Variants in FOXN2 observed in about 807,000 individuals in gnomAD.
The protein encoded by FOXN2 is forkhead box N2, also known as forkhead box protein N2.
Under a neutral mutation model 41.2 loss-of-function variants are expected in FOXN2, and 19 were observed. The ratio of observed to expected loss-of-function variants is 0.46; its 90% CI spans 0.32 to 0.68. FOXN2 has a LOEUF of 0.68. FOXN2 is among the 30% of genes least tolerant of loss of function. The probability of loss-of-function intolerance (pLI) is 0.03; values close to 1 mark genes in which losing one functional copy is unlikely to be tolerated. For missense variants in FOXN2, 587 were observed against 509.4 expected (o/e 1.15, Z -1.47); for synonymous variants, 195 against 176.8 (o/e 1.10, Z -0.82).
rs1168180371 is a variant in FOXN2, at chr2:48,377,846, T to G, written c.*2403T>G. 1.3e-5 allele frequency: 2 copies of G among 152,006 alleles called. No homozygotes were observed. Among genetic ancestry groups the G allele is most frequent in the Non-Finnish European group, 2.9e-5 (2 of 67,884 alleles). 9.4% of individuals were successfully genotyped at this position (152,006 alleles called of 1,614,324 possible). A position where few individuals can be genotyped will look rare whatever the true frequency, so the allele number is the denominator to read the frequency against. On this transcript the variant is annotated 3_prime_UTR_variant, in exon 7 of 7. Coordinates refer to ENST00000340553, the MANE Select transcript of FOXN2 (RefSeq NM_002158.4). ...CTCCATTTACTACTTCCACTGAGAG[T>G]ATGCTCTCATTCCTCAGGTGTTTTG...
At chr2:48,344,734 T>C (rs1238159557) in intron 2 of FOXN2, among the ~76,000 whole-genome samples, 1 of 152,146 alleles carries the variant, frequency 6.6e-6, no homozygotes, top group African/African-American at 2.4e-5. Flanking sequence ...TAACTAGTTT[T>C]CTCTTTTACA....
At chr2:48,329,422 C>T (rs1288771465) in intron 2 of FOXN2, among the ~76,000 whole-genome samples, 3 of 151,832 alleles carry the variant, frequency 2.0e-5, no homozygotes, top group Admixed American at 2.0e-4. Flanking sequence ...GGTTTTCCCC[C>T]CACTCACTTT....
In FOXN2 at chr2:48,375,000, C is replaced by A. The variant is rs550217859; in HGVS notation, c.853C>A (p.Arg285=). The change falls in exon 7 of 7, where the codon CGA becomes AGA. Residue 285 remains arginine (R), a synonymous_variant. Transcript: ENST00000340553. ...TGCATTTCATCATCCCAGTGCTGTA[C>A]GATTACAAGAGAGTGATTCTTTAGC... The part of the protein sequence containing the change: ...GNAFHHPSAV[R]LQESDSLATS... The A allele has an allele frequency of 6.2e-7, 1 of 1,613,912 alleles. No individual in the cohort carries two copies. The highest frequency in any genetic ancestry group is 8.5e-7 in the Non-Finnish European group (1 of 1,179,936).
intron 5 of FOXN2, among the ~76,000 whole-genome samples, chr2:48,373,041 A>G (rs1379936695): frequency 6.6e-6 from 1 of 152,138 alleles, no homozygotes; most frequent in Non-Finnish European, 1.5e-5. Context: ...AAAGAAGAGA[A>G]CTTGCATTAT....
At chr2:48,318,462 A>C (rs927477960) in intron 1 of FOXN2, among the ~76,000 whole-genome samples, 1 of 152,214 alleles carries the variant, frequency 6.6e-6, no homozygotes, top group African/African-American at 2.4e-5. Flanking sequence ...TCATCACATC[A>C]TATCAAGGAT....
intron 1 of FOXN2, among the ~76,000 whole-genome samples, chr2:48,318,036 C>T (rs1011040048): frequency 2.9e-4 from 44 of 152,178 alleles, no homozygotes; most frequent in African/African-American, 1.1e-3. Flanking sequence ...TCCATATATA[C>T]TTTATTTCCC....
intron 4 of FOXN2, among the ~76,000 whole-genome samples, chr2:48,360,305 T>C (rs948624196): frequency 7.9e-5 from 12 of 152,182 alleles, no homozygotes; most frequent in African/African-American, 2.7e-4. Flanking sequence ...AATGGCTAAC[T>C]TGTTTTTTGA....
intron 2 of FOXN2, among the ~76,000 whole-genome samples, chr2:48,342,069 T>C (rs1039113907): frequency 2.6e-5 from 4 of 152,172 alleles, no homozygotes. Flanking sequence ...CTTGAGCTTA[T>C]TGTTTTAATT....
chr2:48,331,480 T>G (rs11688481), intron 2 of FOXN2, among the ~76,000 whole-genome samples: 17,102 of 152,176 alleles, frequency 0.11, 1,392 homozygotes, highest in East Asian at 0.46. Context: ...CTATTCCTTA[T>G]TTGCTGTGGA....
chr2:48,353,677 A>G lies in FOXN2; in HGVS notation c.538-5370A>G, dbSNP rs190552761. 3.4e-3 allele frequency among the ~76,000 whole-genome samples: 520 copies of G among 151,966 alleles called. 4 individuals carry two copies. Among genetic ancestry groups the G allele is most frequent in the African/African-American group, 0.012 (506 of 41,420 alleles). On this transcript the variant is annotated intron_variant, in intron 3 of 6. Transcript: ENST00000340553. ...TCAGCATCTTTTTTCATCTTAATGC[A>G]TAATTCTCTTTAATTGTGATGTGGA...
intron 3 of FOXN2, among the ~76,000 whole-genome samples, chr2:48,356,116 T>TC (rs1671775695): frequency 2.6e-5 from 4 of 151,904 alleles, no homozygotes; most frequent in Non-Finnish European, 5.9e-5. Flanking sequence ...AGAGCAAGAC[T>TC]CTGTCTCCAA....
At chr2:48,354,711 C>T (rs1671674733) in intron 3 of FOXN2, among the ~76,000 whole-genome samples, 1 of 152,088 alleles carries the variant, frequency 6.6e-6, no homozygotes, top group Admixed American at 6.5e-5. Context: ...CAACAGTATA[C>T]CATTATAGAA....
intron 2 of FOXN2, among the ~76,000 whole-genome samples, chr2:48,338,398 A>ATTTTT (rs199837642): frequency 6.7e-6 from 1 of 148,242 alleles, no homozygotes. Context: ...GAAGGATGCC[A>ATTTTT]TTTTTTTTTT....
At chr2:48,350,122 G>T (rs1226498415) in intron 3 of FOXN2, among the ~76,000 whole-genome samples, 2 of 152,018 alleles carry the variant, frequency 1.3e-5, no homozygotes, top group Admixed American at 6.5e-5. Context: ...ACCTAGAGCT[G>T]CATTCTTCAG....
At chr2:48,334,223 G>T (rs1425553117) in intron 2 of FOXN2, among the ~76,000 whole-genome samples, 2 of 152,100 alleles carry the variant, frequency 1.3e-5, no homozygotes, top group Non-Finnish European at 2.9e-5. Context: ...TTTGAAAATG[G>T]TAAAATACAT....
intron 3 of FOXN2, among the ~76,000 whole-genome samples, chr2:48,354,944 A>G (rs896271312): frequency 2.0e-5 from 3 of 152,194 alleles, no homozygotes; most frequent in African/African-American, 7.2e-5. Flanking sequence ...ACATGAGTAA[A>G]TATTGATACT....
At chr2:48,326,571 C>T (rs1356937936) in intron 1 of FOXN2, among the ~76,000 whole-genome samples, 2 of 152,122 alleles carry the variant, frequency 1.3e-5, no homozygotes, top group African/African-American at 4.8e-5. Flanking sequence ...GCAGAACACA[C>T]CATAGGGGTT....
intron 3 of FOXN2, among the ~76,000 whole-genome samples, chr2:48,355,028 C>T (rs915612230): frequency 3.9e-5 from 6 of 152,116 alleles, no homozygotes; most frequent in Non-Finnish European, 7.4e-5. Flanking sequence ...GAAATGGGCT[C>T]TTCTTTGATC....
chr2:48,317,342 G>T (rs1186615864), intron 1 of FOXN2, among the ~76,000 whole-genome samples: 1 of 151,692 alleles, frequency 6.6e-6, no homozygotes, highest in Non-Finnish European at 1.5e-5. Flanking sequence ...CCAGCTACTC[G>T]TGAGGCTGAG....
Sources: allele counts gnomAD v4.1 joint callset (sites outside exome capture counted in the v4.1 genomes callset), GRCh38; gene constraint gnomAD v4.1.1; transcripts MANE v1.5; gene names NCBI Gene and HGNC (gene_info 2026-07-23, HGNC 2026-07-21).